The following DPYSL2 variants were observed in gnomAD, a reference collection of about 807,000 sequenced individuals.
DPYSL2 encodes dihydropyrimidinase-related protein 2.
Under a neutral mutation model 69.9 loss-of-function variants are expected in DPYSL2, and 13 were observed. The observed-to-expected ratio is 0.19, with a 90% CI of 0.12 to 0.30. The LOEUF is 0.30. DPYSL2 is among the 10% of genes least tolerant of loss of function. DPYSL2 has a pLI of 1.00. For missense variants in DPYSL2, 587 were observed against 918.9 expected (o/e 0.64, Z 4.67); for synonymous variants, 326 against 359.1 (o/e 0.91, Z 1.04).
chr8:26,627,328 C>T lies in DPYSL2; in HGVS notation c.936+33C>T. The T allele has an allele frequency of 6.2e-7, 1 of 1,607,530 alleles. No individual in the cohort carries two copies. The highest frequency in any genetic ancestry group is 1.3e-5 in the African/African-American group (1 of 74,938). ...GCTTTCTTTTTCGTCATTTCTTCAT[C>T]ACCTGGAGGGTGAGAGGCAGGCTCA... On this transcript the variant is annotated intron_variant, in intron 6 of 13. Transcript: ENST00000521913. This position sits in a 1 kb window ranked among gnomAD's most constrained non-coding sequence, Gnocchi z 6.9.
chr8:26,612,180 C>T (rs1451633023), intron 3 of DPYSL2, among the ~76,000 whole-genome samples: 2 of 152,280 alleles, frequency 1.3e-5, no homozygotes, highest in Admixed American at 6.5e-5. Flanking sequence ...TTTACCCCCT[C>T]AGATAGTAAG....
chr8:26,515,429 G>T (rs1808264476), intron 1 of DPYSL2, among the ~76,000 whole-genome samples: 1 of 152,178 alleles, frequency 6.6e-6, no homozygotes, highest in Non-Finnish European at 1.5e-5. Context: ...GGAACTAAGT[G>T]GATTATGTTC....
At chr8:26,623,873 C>G (rs920482553) in intron 3 of DPYSL2, 1 of 375,896 alleles carries the variant, frequency 2.7e-6, no homozygotes, top group African/African-American at 2.1e-5. Context: ...GCACCCAAAG[C>G]TTGAGCTTTC....
chr8:26,524,829 A>T (rs995206819), intron 1 of DPYSL2, among the ~76,000 whole-genome samples: 1 of 118,466 alleles, frequency 8.4e-6, no homozygotes, highest in Non-Finnish European at 1.8e-5. Flanking sequence ...AAAAAAAAAA[A>T]AAAAAAAGAG....
At chr8:26,568,766 C>T (rs75182862) in intron 1 of DPYSL2, among the ~76,000 whole-genome samples, 111 of 133,440 alleles carry the variant, frequency 8.3e-4, no homozygotes, top group African/African-American at 3.3e-3. Context: ...TTTCCTTGGC[C>T]GTTTTCAGAA....
At chr8:26,623,162 A>C (rs1183629113) in intron 3 of DPYSL2, among the ~76,000 whole-genome samples, 1 of 152,222 alleles carries the variant, frequency 6.6e-6, no homozygotes, top group East Asian at 1.9e-4. Flanking sequence ...GGTGGGAGGC[A>C]GCAGGTAGAT....
At chr8:26,623,699 AC>A (rs144649645) in intron 3 of DPYSL2, 2,297 of 156,502 alleles carry the variant, frequency 0.015, 54 homozygotes, top group African/African-American at 0.05. Context: ...ATGCCCGGGA[AC>A]TTTTGAAAGG....
chr8:26,549,589 G>A lies in DPYSL2; in HGVS notation c.355-32380G>A, dbSNP rs541213484. Among the ~76,000 whole-genome samples the A allele has an allele frequency of 3.3e-5, 5 of 152,210 alleles. No individual in the cohort carries two copies. In the East Asian group the frequency reaches 7.7e-4, roughly 24 times the overall value. On this transcript the variant is annotated intron_variant, in intron 1 of 13. Coordinates refer to ENST00000521913, the MANE Select transcript of DPYSL2 (RefSeq NM_001197293.3). ...GCTCAGAGAACACCAAGCAGGATCA[G>A]TACTACAAAAATCTATCCCTGGGCA...
At chr8:26,546,292 T>C (rs1344445436) in intron 1 of DPYSL2, among the ~76,000 whole-genome samples, 1 of 152,248 alleles carries the variant, frequency 6.6e-6, no homozygotes, top group Non-Finnish European at 1.5e-5. Flanking sequence ...ATCCCACTTA[T>C]TCATTGTTGC....
chr8:26,633,634 ATT>A (rs1318270427), intron 7 of DPYSL2, among the ~76,000 whole-genome samples: 1 of 145,812 alleles, frequency 6.9e-6, no homozygotes, highest in Non-Finnish European at 1.5e-5. Context: ...TGCCTGGCTA[ATT>A]TTTTTTTTTT....
chr8:26,635,463 C>T (rs1213360803), intron 8 of DPYSL2, among the ~76,000 whole-genome samples: 2 of 152,200 alleles, frequency 1.3e-5, no homozygotes, highest in East Asian at 1.9e-4. Flanking sequence ...AGTGCAGCTT[C>T]CAGTGCTTCC....
At chr8:26,574,995 G>A (rs1336004489) in intron 1 of DPYSL2, among the ~76,000 whole-genome samples, 1 of 152,132 alleles carries the variant, frequency 6.6e-6, no homozygotes, top group African/African-American at 2.4e-5. Flanking sequence ...GTGCAGTGGC[G>A]CTATCTTGGC....
At chr8:26,540,068 G>A (rs1800653928) in intron 1 of DPYSL2, among the ~76,000 whole-genome samples, 1 of 152,178 alleles carries the variant, frequency 6.6e-6, no homozygotes, top group Admixed American at 6.5e-5. Flanking sequence ...CAAAATAATT[G>A]TTTTAAGGAA....
Position 26,637,003 on chromosome 8 carries a change from A to G in DPYSL2, c.1126+2103A>G, listed in dbSNP as rs183262668. ...GTGATCTGCCCGCCTCGGTCTCCCA[A>G]AATACTGGGATTACAGGCATGAGCC... On this transcript the variant is annotated intron_variant, in intron 8 of 13. Coordinates refer to ENST00000521913, the MANE Select transcript of DPYSL2 (RefSeq NM_001197293.3). Among the ~76,000 whole-genome samples, 356 of 152,204 alleles carry G rather than the reference A, an allele frequency of 2.3e-3. 7 individuals carry two copies. The highest frequency in any genetic ancestry group is 0.02 in the Admixed American group (305 of 15,296).
At chr8:26,572,031 C>T (rs1801244206) in intron 1 of DPYSL2, among the ~76,000 whole-genome samples, 1 of 152,246 alleles carries the variant, frequency 6.6e-6, no homozygotes, top group Non-Finnish European at 1.5e-5. Context: ...TCAACCTTCT[C>T]TGCAGGCTGT....
At chr8:26,634,633 C>A (rs1402304281) in intron 7 of DPYSL2, 147 bp from the exon 8 acceptor site, 7 of 1,366,372 alleles carry the variant, frequency 5.1e-6, no homozygotes, top group Non-Finnish European at 7.0e-6. Context: ...CAAGGCAAGT[C>A]ATACTCCTTT....
intron 10 of DPYSL2, among the ~76,000 whole-genome samples, chr8:26,645,052 T>C (rs1038982177): frequency 2.6e-5 from 4 of 152,190 alleles, no homozygotes; most frequent in East Asian, 1.9e-4. Flanking sequence ...TTTTTGCTAC[T>C]ACACAGGCAC....
chr8:26,578,010 TCTCTCTC>T (rs1801398631), intron 1 of DPYSL2: 3 of 1,383,290 alleles, frequency 2.2e-6, no homozygotes, highest in East Asian at 2.9e-5. Context: ...TCTCTCTCTC[TCTCTCTC>T]TTTTTTTTCC....
At chr8:26,535,898 T>TTGTGTGTG (rs112620337) in intron 1 of DPYSL2, among the ~76,000 whole-genome samples, 3,486 of 141,200 alleles carry the variant, frequency 0.025, 137 homozygotes, top group African/African-American at 0.082. Context: ...TCTCTATGGG[T>TTGTGTGTG]TGTGTGTGTG....
Sources: allele counts gnomAD v4.1 joint callset (sites outside exome capture counted in the v4.1 genomes callset), GRCh38; gene constraint gnomAD v4.1.1; non-coding constraint Gnocchi (gnomAD v3.1); transcripts MANE v1.5; gene names NCBI Gene and HGNC (gene_info 2026-07-23, HGNC 2026-07-21).